The following B3GALT1 variants were observed in gnomAD, a reference collection of about 807,000 sequenced individuals.
The protein encoded by B3GALT1 is beta-1,3-galactosyltransferase 1.
Under a neutral mutation model 23.2 loss-of-function variants are expected in B3GALT1, and 10 were observed. The ratio of observed to expected loss-of-function variants is 0.43; its 90% CI spans 0.27 to 0.73. B3GALT1 has a LOEUF of 0.73. Among genes scored for constraint, B3GALT1 ranks in the 30% least tolerant of loss-of-function variants. B3GALT1 has a pLI of 0.21. For synonymous variants in B3GALT1, 156 were observed against 141.5 expected, an observed-to-expected ratio of 1.10 and a Z score of -0.73; for missense variants, 299 against 405.4, an observed-to-expected ratio of 0.74 and a Z score of 2.25.
chr2:167,739,050 T>C (rs1180280969), intron 3 of B3GALT1, among the ~76,000 whole-genome samples: 1 of 152,212 alleles, frequency 6.6e-6, no homozygotes, highest in Non-Finnish European at 1.5e-5. Flanking sequence ...TCAATTCCAG[T>C]ACATATTCCA....
intron 4 of B3GALT1, among the ~76,000 whole-genome samples, chr2:167,837,330 A>G (rs951862104): frequency 6.6e-6 from 1 of 151,878 alleles, no homozygotes; most frequent in Non-Finnish European, 1.5e-5. Flanking sequence ...AGGATGGAGG[A>G]AGATCTACCA....
chr2:167,740,874 G>A (rs1224591559), intron 3 of B3GALT1, among the ~76,000 whole-genome samples: 1 of 152,186 alleles, frequency 6.6e-6, no homozygotes, highest in Non-Finnish European at 1.5e-5. Context: ...GGCAGGCACT[G>A]TGGTAACTTC....
intron 2 of B3GALT1, among the ~76,000 whole-genome samples, chr2:167,596,369 G>A (rs906831787): frequency 6.6e-6 from 1 of 152,148 alleles, no homozygotes; most frequent in Non-Finnish European, 1.5e-5. Context: ...AAAAAGAGAG[G>A]CAGTGTGCTG....
chr2:167,597,316 C>T (rs981067612), intron 2 of B3GALT1, among the ~76,000 whole-genome samples: 3 of 151,928 alleles, frequency 2.0e-5, no homozygotes, highest in Non-Finnish European at 2.9e-5. Flanking sequence ...GGGGTTTCAC[C>T]GTGTTAAACA....
In B3GALT1 at chr2:167,822,355, A is replaced by C. The variant is rs564155054; in HGVS notation, c.-230+3562A>C. Among the ~76,000 whole-genome samples, 4 of 152,300 alleles carry C rather than the reference A, an allele frequency of 2.6e-5. No homozygotes were observed. In the East Asian group the frequency reaches 7.7e-4, roughly 29 times the overall value. On this transcript the variant is annotated intron_variant, in intron 4 of 4. Coordinates refer to ENST00000392690, the MANE Select transcript of B3GALT1 (RefSeq NM_020981.4). ...ATAGGCTGTACTTTGCTAACTGTGC[A>C]TCCTCCCTTTGTTCCACCTCATCCT... is the stretch of plus-strand genomic sequence containing the variant.
intron 1 of B3GALT1, among the ~76,000 whole-genome samples, chr2:167,325,233 G>A (rs1322596009): frequency 6.6e-6 from 1 of 151,894 alleles, no homozygotes; most frequent in Non-Finnish European, 1.5e-5. Context: ...AATATCCAGA[G>A]TTGTGTTTTA....
Position 167,444,107 on chromosome 2 carries a change from C to A in B3GALT1, c.-510-46070C>A, listed in dbSNP as rs1314086809. On this transcript the variant is annotated intron_variant, in intron 1 of 4. Transcript: ENST00000392690. ...TGTTGAATTTTGTCAAAGGCCTTTT[C>A]TGCATCTATTGAGATAATCATGTGG... 3.3e-5 allele frequency among the ~76,000 whole-genome samples: 5 copies of A among 152,180 alleles called. No homozygotes were observed. The East Asian group carries it at 9.6e-4, about 29-fold the overall frequency.
intron 1 of B3GALT1, among the ~76,000 whole-genome samples, chr2:167,482,377 G>C (rs1699572842): frequency 6.6e-6 from 1 of 152,116 alleles, no homozygotes; most frequent in Non-Finnish European, 1.5e-5. Flanking sequence ...AAGTAAGTAT[G>C]AATTAAAGAT....
Position 167,402,576 on chromosome 2 carries a change from A to G in B3GALT1, c.-510-87601A>G, listed in dbSNP as rs78030640. ...CTTAGTTATGAAGGTTTTTTAATTA[A>G]ATTAGTCTTCACAAAATACCTAGGA... On this transcript the variant is annotated intron_variant, in intron 1 of 4. Transcript: ENST00000392690. Among the ~76,000 whole-genome samples, 561 of 152,218 alleles carry G rather than the reference A, an allele frequency of 3.7e-3. 6 individuals are homozygous for G. Among genetic ancestry groups the G allele is most frequent in the African/African-American group, 0.013 (536 of 41,528 alleles).
Position 167,488,041 on chromosome 2 carries a change from TA to T in B3GALT1, c.-510-2128del, listed in dbSNP as rs766361563. On this transcript the variant is annotated intron_variant, in intron 1 of 4. Coordinates refer to ENST00000392690, the MANE Select transcript of B3GALT1 (RefSeq NM_020981.4). ...AGGACATAGACGACCTAAATTCTGT[TA>T]AAAAAAAGGTCTTCAATGGCCAAAT... Among the ~76,000 whole-genome samples, 4 of 152,010 alleles carry T rather than the reference TA, an allele frequency of 2.6e-5. No homozygotes were observed. The East Asian group carries it at 5.8e-4, about 22-fold the overall frequency.
chr2:167,757,587 C>G (rs1303728497), intron 3 of B3GALT1, among the ~76,000 whole-genome samples: 1 of 152,016 alleles, frequency 6.6e-6, no homozygotes, highest in Non-Finnish European at 1.5e-5. Context: ...CTTTTTTTGA[C>G]CAGTTAAGTT....
rs546569016 is a variant in B3GALT1, at chr2:167,480,617, A to G, written c.-510-9560A>G. ...CTAAAAAAACAAAAAACAAACAAAC[A>G]AACGAAACCACCACAGGTGGGGCGG... On this transcript the variant is annotated intron_variant, in intron 1 of 4. Transcript: ENST00000392690. 5.3e-5 allele frequency among the ~76,000 whole-genome samples: 8 copies of G among 152,292 alleles called. No homozygotes were observed. In the East Asian group the frequency reaches 1.4e-3, roughly 26 times the overall value.
At chr2:167,342,233 G>A (rs1404043282) in intron 1 of B3GALT1, among the ~76,000 whole-genome samples, 1 of 152,132 alleles carries the variant, frequency 6.6e-6, no homozygotes, top group Non-Finnish European at 1.5e-5. Context: ...TCTTGAAAAT[G>A]TCGAAGAAAA....
intron 2 of B3GALT1, among the ~76,000 whole-genome samples, chr2:167,521,883 C>T (rs907484226): frequency 1.3e-5 from 2 of 150,224 alleles, no homozygotes; most frequent in Non-Finnish European, 3.0e-5. Flanking sequence ...CAAAATCATA[C>T]ATATATTATT....
intron 2 of B3GALT1, among the ~76,000 whole-genome samples, chr2:167,624,959 A>G (rs955231750): frequency 3.9e-5 from 6 of 151,944 alleles, no homozygotes; most frequent in Admixed American, 6.6e-5. Context: ...CTATCAGCCT[A>G]AAGTATTTAC....
intron 1 of B3GALT1, among the ~76,000 whole-genome samples, chr2:167,358,175 G>A (rs1368100066): frequency 6.6e-6 from 1 of 152,174 alleles, no homozygotes; most frequent in African/African-American, 2.4e-5. Flanking sequence ...TGGAGTCGGA[G>A]CCAATTACAT....
intron 3 of B3GALT1, among the ~76,000 whole-genome samples, chr2:167,811,763 C>T (rs1432598491): frequency 6.6e-6 from 1 of 152,180 alleles, no homozygotes; most frequent in East Asian, 1.9e-4. Context: ...GTCAATACAG[C>T]TGCCAGCATC....
intron 1 of B3GALT1, among the ~76,000 whole-genome samples, chr2:167,420,730 T>A (rs911147759): frequency 2.0e-5 from 3 of 152,214 alleles, no homozygotes; most frequent in Admixed American, 6.5e-5. Flanking sequence ...ATTTTATCAG[T>A]TGCACCTAGA....
chr2:167,563,076 G>A lies in B3GALT1; in HGVS notation c.-410+72799G>A, dbSNP rs528292303. Among the ~76,000 whole-genome samples, 33 of 152,006 alleles carry A rather than the reference G, an allele frequency of 2.2e-4. 1 individual carries two copies. The South Asian group carries it at 3.7e-3, about 17-fold the overall frequency. ...TTCCACACAGACACGGCAACCATCC[G>A]ATTTCTCAATCTTCTCCCCACCTTT... is the stretch of plus-strand genomic sequence containing the variant. On this transcript the variant is annotated intron_variant, in intron 2 of 4. Coordinates refer to ENST00000392690, the MANE Select transcript of B3GALT1 (RefSeq NM_020981.4).
Sources: allele counts gnomAD v4.1 joint callset (sites outside exome capture counted in the v4.1 genomes callset), GRCh38; gene constraint gnomAD v4.1.1; transcripts MANE v1.5; gene names NCBI Gene and HGNC (gene_info 2026-07-23, HGNC 2026-07-21).